ARIH1: variants seen among roughly 807,000 people sequenced by gnomAD.
ARIH1 encodes ariadne RBR E3 ubiquitin protein ligase 1, also known as E3 ubiquitin-protein ligase ARIH1.
In ARIH1, 8 loss-of-function variants were observed where a neutral mutation model predicts 85.0. The observed-to-expected ratio is 0.09, with a 90% CI of 0.06 to 0.17. ARIH1 has a LOEUF of 0.17. ARIH1 is among the 10% of genes least tolerant of loss of function. ARIH1 has a pLI of 1.00. For missense variants in ARIH1, 311 were observed against 718.1 expected (o/e 0.43, Z 6.48); for synonymous variants, 238 against 253.6 (o/e 0.94, Z 0.59).
chr15:72,575,187 TG>T (rs903802384), intron 11 of ARIH1, among the ~76,000 whole-genome samples: 1 of 152,200 alleles, frequency 6.6e-6, no homozygotes, highest in Non-Finnish European at 1.5e-5. Context: ...TGTATACCCC[TG>T]TTCTAAGCAG....
chr15:72,475,022 TGGCCGCCGCGCCAGCTGGACCGGGCCC>T lies in ARIH1; in HGVS notation c.375+10_375+36del. On this transcript the variant is annotated intron_variant, in intron 1 of 13. Coordinates refer to ENST00000379887, the MANE Select transcript of ARIH1 (RefSeq NM_005744.5). ...GTCAACGAGGTCATCCAGGTGAGGG[TGGCCGCCGCGCCAGCTGGACCGGGCCC>T]GACGGGGGAGCGGATTCAGGCGGCA... The T allele has an allele frequency of 6.4e-7, 1 of 1,551,222 alleles. No individual in the cohort carries two copies. The highest frequency in any genetic ancestry group is 8.7e-7 in the Non-Finnish European group (1 of 1,146,974).
Position 72,571,129 on chromosome 15 carries a change from C to CA in ARIH1, c.1157+851dup, listed in dbSNP as rs56376097. On this transcript the variant is annotated intron_variant, in intron 10 of 13. Coordinates refer to ENST00000379887, the MANE Select transcript of ARIH1 (RefSeq NM_005744.5). ...GGGCAACAAGAGTGAAACTGTGTCTCAAAAAAAAAAAAAAAAAAAAAAAAA... is the reference window on the plus strand; with the variant it reads ...GGGCAACAAGAGTGAAACTGTGTCTCAAAAAAAAAAAAAAAAAAAAAAAAAA... Among the ~76,000 whole-genome samples, 18 of 61,474 alleles carry CA rather than the reference C, an allele frequency of 2.9e-4. 2 individuals carry two copies. The highest frequency in any genetic ancestry group is 1.3e-3 in the African/African-American group (18 of 14,390). The allele number at this position is 61,474 out of a possible 152,430, so 40.3% of individuals were successfully genotyped here.
At chr15:72,526,860 C>T (rs1016862599) in intron 2 of ARIH1, among the ~76,000 whole-genome samples, 2 of 138,152 alleles carry the variant, frequency 1.4e-5, no homozygotes, top group Non-Finnish European at 1.5e-5. Context: ...CTGTCTAATG[C>T]TTTTTTTTTT....
At chr15:72,487,399 G>C (rs2063841848) in intron 1 of ARIH1, among the ~76,000 whole-genome samples, 1 of 151,950 alleles carries the variant, frequency 6.6e-6, no homozygotes, top group African/African-American at 2.4e-5. Flanking sequence ...GTGTTTTTAG[G>C]GATAAAGTGT....
intron 1 of ARIH1, among the ~76,000 whole-genome samples, chr15:72,510,029 G>T (rs996522826): frequency 6.6e-6 from 1 of 151,796 alleles, no homozygotes; most frequent in East Asian, 1.9e-4. Context: ...TGATCCTCCT[G>T]CCTCAGCCTC....
chr15:72,535,489 C>T (rs983405861), intron 2 of ARIH1, among the ~76,000 whole-genome samples: 1 of 152,130 alleles, frequency 6.6e-6, no homozygotes. Flanking sequence ...TATATTACTA[C>T]CTTGTGTTTT....
intron 2 of ARIH1, among the ~76,000 whole-genome samples, chr15:72,521,060 G>T (rs2063997363): frequency 6.6e-6 from 1 of 151,848 alleles, no homozygotes; most frequent in Non-Finnish European, 1.5e-5. Context: ...GCCCAGGCTG[G>T]TCTCAAACTC....
At chr15:72,515,308 C>G (rs2063970255) in intron 1 of ARIH1, among the ~76,000 whole-genome samples, 1 of 152,014 alleles carries the variant, frequency 6.6e-6, no homozygotes, top group East Asian at 1.9e-4. Context: ...TGCACTCCAG[C>G]CTGGTCAGCA....
intron 1 of ARIH1, among the ~76,000 whole-genome samples, chr15:72,499,343 A>G (rs2063893535): frequency 6.6e-6 from 1 of 152,132 alleles, no homozygotes; most frequent in Admixed American, 6.5e-5. Flanking sequence ...AAAGCAATAC[A>G]TGCATGTGGT....
At chr15:72,529,749 C>A (rs2064047491) in intron 2 of ARIH1, among the ~76,000 whole-genome samples, 1 of 152,016 alleles carries the variant, frequency 6.6e-6, no homozygotes, top group South Asian at 2.1e-4. Context: ...GTATTTAAGG[C>A]TCAGAAAACA....
chr15:72,558,731 T>A (rs1397568387), intron 5 of ARIH1, among the ~76,000 whole-genome samples: 1 of 152,240 alleles, frequency 6.6e-6, no homozygotes, highest in African/African-American at 2.4e-5. Context: ...CACTTTCTTT[T>A]ACTTCCTTAT....
chr15:72,514,343 ATCT>A (rs1197647390), intron 1 of ARIH1, among the ~76,000 whole-genome samples: 4 of 152,118 alleles, frequency 2.6e-5, no homozygotes, highest in African/African-American at 9.7e-5. Context: ...CTCTTCTGTC[ATCT>A]TCTTTCTGAT....
intron 2 of ARIH1, among the ~76,000 whole-genome samples, chr15:72,543,596 G>T (rs1382923362): frequency 6.6e-6 from 1 of 152,108 alleles, no homozygotes; most frequent in Admixed American, 6.5e-5. Context: ...GATATGGTTT[G>T]TTCTCATTTG....
chr15:72,492,638 C>T (rs2063863962), intron 1 of ARIH1, among the ~76,000 whole-genome samples: 2 of 150,844 alleles, frequency 1.3e-5, no homozygotes, highest in Non-Finnish European at 2.9e-5. Context: ...TGATTTGTTA[C>T]AGAATTTTTA....
chr15:72,501,439 C>T (rs2063903047), intron 1 of ARIH1, among the ~76,000 whole-genome samples: 1 of 152,094 alleles, frequency 6.6e-6, no homozygotes, highest in Admixed American at 6.5e-5. Context: ...TAATCAGAAT[C>T]CCACCACTTA....
rs375614248 is a variant in ARIH1, at chr15:72,474,873, T to TGGCGGCGGC, written c.249_257dup (p.Gly88_Gly90dup). ...GCGGCAGCGCTCTGGGGCCCGGCGG[T>TGGCGGCGGC]GGCGGCGGCGGCGGCGGCGGCGGTG... On this transcript the variant is annotated inframe_insertion, in exon 1 of 14. Coordinates refer to ENST00000379887, the MANE Select transcript of ARIH1 (RefSeq NM_005744.5). The TGGCGGCGGC allele has an allele frequency of 2.7e-5, 38 of 1,412,994 alleles. No individual in the cohort carries two copies. Among genetic ancestry groups the TGGCGGCGGC allele is most frequent in the South Asian group, 2.2e-4 (14 of 63,168 alleles). 87.5% of individuals were successfully genotyped at this position (1,412,994 alleles called of 1,614,324 possible).
intron 2 of ARIH1, among the ~76,000 whole-genome samples, chr15:72,537,372 A>T (rs1250649208): frequency 6.6e-6 from 1 of 152,180 alleles, no homozygotes; most frequent in Non-Finnish European, 1.5e-5. Flanking sequence ...TATCAAAGTA[A>T]CACAATCATG....
intron 1 of ARIH1, among the ~76,000 whole-genome samples, chr15:72,503,813 G>A (rs758600899): frequency 6.6e-6 from 1 of 152,230 alleles, no homozygotes; most frequent in Non-Finnish European, 1.5e-5. Context: ...GTGAGCAAGT[G>A]AATGCGGGAT....
Position 72,601,185 on chromosome 15 carries a change from T to C in ARIH1, c.*17893T>C, listed in dbSNP as rs2064381022. On this transcript the variant is annotated 3_prime_UTR_variant, in exon 14 of 14. Coordinates refer to ENST00000379887, the MANE Select transcript of ARIH1 (RefSeq NM_005744.5). ...TGCCATCACACTAGTCCAAGTGAAG[T>C]GTTTCATCATCTCATTTGCAGCATC... 6.6e-6 allele frequency: 1 copy of C among 152,198 alleles called. No individual in the cohort carries two copies. The highest frequency in any genetic ancestry group is 1.5e-5 in the Non-Finnish European group (1 of 68,056). The allele number at this position is 152,198 out of a possible 1,614,324, so 9.4% of individuals were successfully genotyped here.
Sources: allele counts gnomAD v4.1 joint callset (sites outside exome capture counted in the v4.1 genomes callset), GRCh38; gene constraint gnomAD v4.1.1; transcripts MANE v1.5; gene names NCBI Gene and HGNC (gene_info 2026-07-23, HGNC 2026-07-21).